The following ABLIM2 variants were observed in gnomAD, a reference collection of about 807,000 sequenced individuals.
The protein encoded by ABLIM2 is actin-binding LIM protein 2.
Under a neutral mutation model 97.7 loss-of-function variants are expected in ABLIM2, and 53 were observed. The observed-to-expected ratio is 0.54, with a 90% CI of 0.44 to 0.68. The LOEUF (loss-of-function observed/expected upper bound fraction) is 0.68. Among genes scored for constraint, ABLIM2 ranks in the 30% least tolerant of loss-of-function variants. ABLIM2 has a pLI of 0.00. For missense variants in ABLIM2, 835 were observed against 867.2 expected, an observed-to-expected ratio of 0.96 and a Z score of 0.47; for synonymous variants, 361 against 345.8, an observed-to-expected ratio of 1.04 and a Z score of -0.49.
In ABLIM2 at chr4:8,155,865, C is replaced by T. The variant is rs182855379; in HGVS notation, c.10+2815G>A. ...GACACAGACACACACAAAGGGAAGA[C>T]GGGGCGAGGACACAGGGAGAGGGCG... On this transcript the variant is annotated intron_variant, in intron 1 of 20. Transcript: ENST00000447017. This position sits in a 1 kb window ranked among gnomAD's most constrained non-coding sequence, Gnocchi z 4.2. Among the ~76,000 whole-genome samples, 2 of 151,896 alleles carry T rather than the reference C, an allele frequency of 1.3e-5. No homozygotes were observed. The highest frequency in any genetic ancestry group is 1.9e-4 in the East Asian group (1 of 5,174).
intron 1 of ABLIM2, among the ~76,000 whole-genome samples, chr4:8,138,889 G>A (rs1290069594): frequency 1.3e-5 from 2 of 152,238 alleles, no homozygotes; most frequent in African/African-American, 4.8e-5. Flanking sequence ...AAGAGCTTCT[G>A]CACAGCAAAA....
At chr4:8,131,226 C>T (rs544830782) in intron 1 of ABLIM2, among the ~76,000 whole-genome samples, 1 of 152,292 alleles carries the variant, frequency 6.6e-6, no homozygotes, top group South Asian at 2.1e-4. Flanking sequence ...AATTTCTCAG[C>T]CAACCACATG....
intron 7 of ABLIM2, among the ~76,000 whole-genome samples, chr4:8,057,982 A>T (rs939039903): frequency 3.7e-4 from 56 of 152,216 alleles, no homozygotes; most frequent in Admixed American, 3.6e-3. Flanking sequence ...CATGATTCAG[A>T]CTGAGAAATC....
At chr4:8,000,500 C>A (rs1756388122) in intron 16 of ABLIM2, among the ~76,000 whole-genome samples, 2 of 152,096 alleles carry the variant, frequency 1.3e-5, no homozygotes, top group South Asian at 2.1e-4. Flanking sequence ...CGCCCGCATG[C>A]AGTGCCCAAG....
At chr4:8,136,131 A>C (rs1850160213) in intron 1 of ABLIM2, among the ~76,000 whole-genome samples, 1 of 152,230 alleles carries the variant, frequency 6.6e-6, no homozygotes, top group South Asian at 2.1e-4. Flanking sequence ...CCTAAGAAGA[A>C]ATAAAATCCC....
chr4:8,012,555 C>T (rs753802500), intron 14 of ABLIM2, among the ~76,000 whole-genome samples: 2 of 149,222 alleles, frequency 1.3e-5, no homozygotes, highest in Non-Finnish European at 3.0e-5. Context: ...TCTACCCACT[C>T]ACCCATCTAT....
rs1244110045 is a variant in ABLIM2 at position 7,974,292 on chromosome 4, TACCCATCC to T, written c.1825-7197_1825-7190del. Among the ~76,000 whole-genome samples the T allele has an allele frequency of 2.9e-5, 4 of 135,850 alleles. No individual in the cohort carries two copies. The East Asian group carries it at 7.5e-4, about 26-fold the overall frequency. 89.1% of individuals were successfully genotyped at this position (135,850 alleles called of 152,430 possible). On this transcript the variant is annotated intron_variant, in intron 20 of 20. Transcript: ENST00000447017. ...GCATTCATCCACCCACCTGCCCACC[TACCCATCC>T]ACCCATCCACCAATCCATCCACCCA...
chr4:8,082,941 T>C lies in ABLIM2; in HGVS notation c.455-2139A>G, dbSNP rs540115669. Among the ~76,000 whole-genome samples the C allele has an allele frequency of 3.3e-5, 5 of 152,342 alleles. No individual in the cohort carries two copies. In the East Asian group the frequency reaches 9.7e-4, roughly 29 times the overall value. ...GAGGCACATTTTGCAAAGCTCTGCA[T>C]CAGTGGCTCTCAACTTGGGGCACTT... On this transcript the variant is annotated intron_variant, in intron 4 of 20. Coordinates refer to ENST00000447017, the MANE Select transcript of ABLIM2 (RefSeq NM_001130083.2). This position sits in a 1 kb window ranked among gnomAD's most constrained non-coding sequence, Gnocchi z 5.6.
In ABLIM2 at chr4:8,069,509, G is replaced by C. The variant is rs748763416; in HGVS notation, c.675+8119C>G. ...GTAGGACCAGGGGCTCTGATGCGCT[G>C]CCGGCATGAGGCAAGGCAGGAAGGC... On this transcript the variant is annotated intron_variant, in intron 6 of 20. Coordinates refer to ENST00000447017, the MANE Select transcript of ABLIM2 (RefSeq NM_001130083.2). This position sits in a 1 kb window ranked among gnomAD's most constrained non-coding sequence, Gnocchi z 4.2. Among the ~76,000 whole-genome samples the C allele has an allele frequency of 6.6e-6, 1 of 152,222 alleles. No homozygotes were observed. Among genetic ancestry groups the C allele is most frequent in the Admixed American group, 6.5e-5 (1 of 15,282 alleles).
At chr4:7,974,766 CATCT>C (rs763857527) in intron 20 of ABLIM2, among the ~76,000 whole-genome samples, 114 of 152,230 alleles carry the variant, frequency 7.5e-4, no homozygotes, top group Non-Finnish European at 1.1e-3. Flanking sequence ...TCTATCCATC[CATCT>C]ATCTATCCAT....
chr4:8,154,194 C>A (rs1240702402), intron 1 of ABLIM2, among the ~76,000 whole-genome samples: 1 of 151,410 alleles, frequency 6.6e-6, no homozygotes, highest in Non-Finnish European at 1.5e-5. Flanking sequence ...CATCTCCTGA[C>A]CTTGTGATCC....
intron 9 of ABLIM2, among the ~76,000 whole-genome samples, chr4:8,039,983 G>A (rs1248469761): frequency 6.7e-6 from 1 of 150,012 alleles, no homozygotes; most frequent in Non-Finnish European, 1.5e-5. Context: ...AGGGTCTACT[G>A]TGTGCACATT....
At chr4:7,983,172 C>T in intron 20 of ABLIM2, 92 bp downstream of exon 20, 1 of 1,378,306 alleles carries the variant, frequency 7.3e-7, no homozygotes, top group Non-Finnish European at 1.0e-6. Context: ...CACGGTGGCC[C>T]CTTGGGCAAC....
chr4:8,087,547 G>A lies in ABLIM2; in HGVS notation c.454+622C>T, dbSNP rs868797934. Among the ~76,000 whole-genome samples, 1 of 152,306 alleles carries A rather than the reference G, an allele frequency of 6.6e-6. No individual in the cohort carries two copies. Among genetic ancestry groups the A allele is most frequent in the Middle Eastern group, 3.4e-3 (1 of 294 alleles). ...TGTTCCTCTACAGGTTCCCCCAAAG[G>A]GGTCCCGGGTGGCCTGGAATTAACA... On this transcript the variant is annotated intron_variant, in intron 4 of 20. Coordinates refer to ENST00000447017, the MANE Select transcript of ABLIM2 (RefSeq NM_001130083.2). This position sits in a 1 kb window ranked among gnomAD's most constrained non-coding sequence, Gnocchi z 4.6.
chr4:8,121,324 C>T (rs1845336912), intron 1 of ABLIM2, among the ~76,000 whole-genome samples: 3 of 152,208 alleles, frequency 2.0e-5, no homozygotes, highest in African/African-American at 2.4e-5. Context: ...CTGTGGGCTC[C>T]GGGCAGACGC....
rs1044735609 is a variant in ABLIM2, at chr4:8,127,396, G to A, written c.11-20759C>T. On this transcript the variant is annotated intron_variant, in intron 1 of 20. Coordinates refer to ENST00000447017, the MANE Select transcript of ABLIM2 (RefSeq NM_001130083.2). The surrounding 1 kb of genome is among the most constrained non-coding windows in gnomAD (Gnocchi z 7.3). The stretch of plus-strand genomic sequence containing the variant: ...TGGTGCCGGCGCTCATGACCTTCAC[G>A]CAGGGCACAACTTGACTGGACCCGT... 3.3e-5 allele frequency among the ~76,000 whole-genome samples: 5 copies of A among 152,150 alleles called. No individual in the cohort carries two copies. The highest frequency in any genetic ancestry group is 6.5e-5 in the Admixed American group (1 of 15,290).
intron 6 of ABLIM2, among the ~76,000 whole-genome samples, chr4:8,066,167 A>G (rs1447651717): frequency 4.8e-5 from 7 of 147,326 alleles, no homozygotes; most frequent in African/African-American, 7.5e-5. Context: ...TTAGCTGGGC[A>G]TGGTGGCAGG....
intron 2 of ABLIM2, among the ~76,000 whole-genome samples, chr4:8,101,301 G>A (rs527822170): frequency 2.9e-4 from 44 of 152,290 alleles, no homozygotes; most frequent in Non-Finnish European, 3.4e-4. Context: ...TCCTCCTGCC[G>A]GGACTTTCAC....
At chr4:8,025,490 G>T (rs73092337) in intron 12 of ABLIM2, among the ~76,000 whole-genome samples, 9,210 of 152,216 alleles carry the variant, frequency 0.061, 943 homozygotes, top group African/African-American at 0.21. Context: ...ACAAGGCGTG[G>T]AAGGAAGGGG....
Sources: gnomAD v4.1 joint callset for allele counts (sites outside exome capture counted in the v4.1 genomes callset) on GRCh38, gnomAD v4.1.1 for gene constraint, Gnocchi (gnomAD v3.1) non-coding constraint, MANE v1.5 for transcripts, NCBI Gene and HGNC (gene_info 2026-07-23, HGNC 2026-07-21) for gene names.